SHANK2: variants seen among roughly 807,000 people sequenced by gnomAD.
SHANK2 encodes SH3 and multiple ankyrin repeat domains protein 2.
In SHANK2, 43 loss-of-function variants were observed where a neutral mutation model predicts 133.7. The ratio of observed to expected loss-of-function variants is 0.32; its 90% CI spans 0.25 to 0.41. The LOEUF (loss-of-function observed/expected upper bound fraction) is 0.41. Among genes scored for constraint, SHANK2 ranks in the 10% least tolerant of loss-of-function variants. The pLI, the probability that SHANK2 is intolerant of heterozygous loss-of-function variation, is 1.00. For missense variants in SHANK2, 1,994 were observed against 2,235.8 expected (o/e 0.89, Z 2.18); for synonymous variants, 1,017 against 952.8 (o/e 1.07, Z -1.24).
At chr11:71,067,120 C>T (rs991949659) in intron 9 of SHANK2, among the ~76,000 whole-genome samples, 32 of 151,872 alleles carry the variant, frequency 2.1e-4, no homozygotes, top group African/African-American at 7.3e-4. Context: ...GTGTGGACAC[C>T]GTCGCCATTC....
In SHANK2 at chr11:71,126,216, CAAA is replaced by C. The variant is rs1170621448; in HGVS notation, c.208-7187_208-7185del. 5.9e-3 allele frequency among the ~76,000 whole-genome samples: 381 copies of C among 64,386 alleles called. 2 individuals are homozygous for C. The highest frequency in any genetic ancestry group is 0.021 in the African/African-American group (351 of 16,604). The allele number at this position is 64,386 out of a possible 152,430, so 42.2% of individuals were successfully genotyped here. A position where few individuals can be genotyped will look rare whatever the true frequency, so the allele number is the denominator to read the frequency against. On this transcript the variant is annotated intron_variant, in intron 3 of 25. Coordinates refer to ENST00000601538, the MANE Select transcript of SHANK2 (RefSeq NM_012309.5). ...CTGGTGACAGAGTGAGACTCCGTCT[CAAA>C]AAAAAAAAAAAAAAAAAAAAAGAAT...
rs980640340 is a variant in SHANK2, at chr11:70,900,301, C to A, written c.1108-3734G>T. On this transcript the variant is annotated intron_variant, in intron 10 of 25. Coordinates refer to ENST00000601538, the MANE Select transcript of SHANK2 (RefSeq NM_012309.5). ...CCTGGGAGGTGGAGACTGCAGTGAGCCAAGATCGTGCCACTGCACTCCAGC... is the reference window on the plus strand; with the variant it reads ...CCTGGGAGGTGGAGACTGCAGTGAGACAAGATCGTGCCACTGCACTCCAGC... Among the ~76,000 whole-genome samples, 6 of 152,028 alleles carry A rather than the reference C, an allele frequency of 3.9e-5. No individual in the cohort carries two copies. In the South Asian group the frequency reaches 1.3e-3, roughly 32 times the overall value.
intron 10 of SHANK2, among the ~76,000 whole-genome samples, chr11:70,950,411 G>A (rs1186689447): frequency 1.3e-5 from 2 of 151,668 alleles, no homozygotes; most frequent in African/African-American, 2.4e-5. Context: ...GGCTGGTCTC[G>A]AACTCCTGAC....
chr11:70,541,214 C>T (rs1368972532), intron 17 of SHANK2, among the ~76,000 whole-genome samples: 3 of 152,198 alleles, frequency 2.0e-5, no homozygotes, highest in African/African-American at 4.8e-5. Context: ...CGGGATACAC[C>T]ACATTTGCCT....
intron 14 of SHANK2, among the ~76,000 whole-genome samples, chr11:70,789,630 G>A (rs60029605): frequency 6.6e-5 from 10 of 152,284 alleles, no homozygotes; most frequent in East Asian, 1.9e-4. Context: ...TGGTGCATAC[G>A]GCACAGGACA....
chr11:70,624,959 A>G (rs1398606149), intron 17 of SHANK2, among the ~76,000 whole-genome samples: 1 of 152,216 alleles, frequency 6.6e-6, no homozygotes, highest in Non-Finnish European at 1.5e-5. Flanking sequence ...TTGAGAGAAC[A>G]GCCCCCACAA....
chr11:71,244,393 G>C (rs1460462910), intron 1 of SHANK2, among the ~76,000 whole-genome samples: 1 of 152,250 alleles, frequency 6.6e-6, no homozygotes, highest in African/African-American at 2.4e-5. Flanking sequence ...ACATGGCACA[G>C]CCAGCTTTCA....
intron 14 of SHANK2, among the ~76,000 whole-genome samples, chr11:70,780,233 G>A (rs1299536455): frequency 5.3e-5 from 8 of 152,234 alleles, no homozygotes; most frequent in Non-Finnish European, 1.2e-4. Flanking sequence ...AGGGAGCCCT[G>A]GGGTTTTGTT....
In SHANK2 at chr11:70,472,614, CT is replaced by C; in HGVS notation, c.*254del. The C allele has an allele frequency of 1.8e-6, 1 of 543,698 alleles. No individual in the cohort carries two copies. The highest frequency in any genetic ancestry group is 3.3e-6 in the Non-Finnish European group (1 of 301,222). The allele number at this position is 543,698 out of a possible 1,614,324, so 33.7% of individuals were successfully genotyped here. ...GCATGCTGGGCGGCAGGCTGAGAAT[CT>C]TTTTCCATGTTAGAAAAACTCCCTC... On this transcript the variant is annotated 3_prime_UTR_variant, in exon 26 of 26. Transcript: ENST00000601538. The surrounding 1 kb of genome is among the most constrained non-coding windows in gnomAD (Gnocchi z 4.4).
chr11:70,496,055 C>T lies in SHANK2; in HGVS notation c.2309-3590G>A, dbSNP rs552523597. On this transcript the variant is annotated intron_variant, in intron 21 of 25. Transcript: ENST00000601538. ...AATAGCGGAGGTGAGGGAAAGTCATCGGCGTTGAACATTGACAGGTGTCAG... is the reference window on the plus strand; with the variant it reads ...AATAGCGGAGGTGAGGGAAAGTCATTGGCGTTGAACATTGACAGGTGTCAG... Among the ~76,000 whole-genome samples, 6 of 152,240 alleles carry T rather than the reference C, an allele frequency of 3.9e-5. No homozygotes were observed. The South Asian group carries it at 1.0e-3, about 26-fold the overall frequency.
At chr11:70,499,200 C>T (rs993422706) in intron 21 of SHANK2, among the ~76,000 whole-genome samples, 2 of 152,270 alleles carry the variant, frequency 1.3e-5, no homozygotes, top group African/African-American at 4.8e-5. Context: ...CTGTCAGCAA[C>T]GCTCGGTGTC....
At chr11:70,608,061 G>GC (rs1322175795) in intron 17 of SHANK2, among the ~76,000 whole-genome samples, 1 of 152,198 alleles carries the variant, frequency 6.6e-6, no homozygotes, top group African/African-American at 2.4e-5. Context: ...CGCCATGTCC[G>GC]ATTCCTGCTG....
intron 17 of SHANK2, among the ~76,000 whole-genome samples, chr11:70,617,221 TTG>T (rs145833674): frequency 4.6e-5 from 7 of 151,564 alleles, no homozygotes; most frequent in African/African-American, 9.7e-5. Flanking sequence ...TCTGAGTGTG[TTG>T]TGTGTGTGTG....
intron 14 of SHANK2, among the ~76,000 whole-genome samples, chr11:70,738,934 G>A (rs943879978): frequency 2.0e-5 from 3 of 152,226 alleles, no homozygotes; most frequent in African/African-American, 7.2e-5. Context: ...GAAAGACAGC[G>A]GGGTCACTGG....
chr11:70,737,592 T>C (rs1173487814), intron 14 of SHANK2, among the ~76,000 whole-genome samples: 1 of 152,156 alleles, frequency 6.6e-6, no homozygotes, highest in Non-Finnish European at 1.5e-5. Flanking sequence ...CCCATTTCTC[T>C]CCAGGAGACT....
At chr11:70,880,786 G>A (rs1949647702) in intron 11 of SHANK2, among the ~76,000 whole-genome samples, 1 of 152,216 alleles carries the variant, frequency 6.6e-6, no homozygotes, top group Non-Finnish European at 1.5e-5. Context: ...AGGACTGAAG[G>A]GGCTAGGGTC....
At chr11:71,105,055 T>A (rs1555097496) in intron 6 of SHANK2, among the ~76,000 whole-genome samples, 1 of 152,180 alleles carries the variant, frequency 6.6e-6, no homozygotes. Context: ...TGACCCACAA[T>A]TGCCAAAAGC....
In SHANK2 at chr11:71,118,915, T is replaced by C; in HGVS notation, c.325A>G (p.Asn109Asp). The change falls in exon 4 of 26, where the codon AAT (asparagine) becomes GAT (aspartate). Residue 109 changes from asparagine to aspartate, a missense_variant. By Grantham distance (23) the Asn-to-Asp change is conservative. Transcript: ENST00000601538. ...TCCAGGAACTTGCCGTCACGCCCATTGCTGGCCGGCTGGAACAGGCCGTAG... is the reference window on the plus strand; with the variant it reads ...TCCAGGAACTTGCCGTCACGCCCATCGCTGGCCGGCTGGAACAGGCCGTAG... ...LNYGLFQPAS[N>D]GRDGKFLDEE... 7.1e-6 allele frequency: 11 copies of C among 1,551,728 alleles called. No homozygotes were observed. The highest frequency in any genetic ancestry group is 9.6e-6 in the Non-Finnish European group (11 of 1,146,998).
Position 70,498,088 on chromosome 11 carries a change from C to T in SHANK2, c.2308+2482G>A, listed in dbSNP as rs1270794790. Among the ~76,000 whole-genome samples, 3 of 152,252 alleles carry T rather than the reference C, an allele frequency of 2.0e-5. No individual in the cohort carries two copies. In the East Asian group the frequency reaches 5.8e-4, roughly 29 times the overall value. ...GCTTTCCTGGGACCTGATTCATGGTCTGCTTCACATCCTCTGGCATGGTCC... is the reference window on the plus strand; with the variant it reads ...GCTTTCCTGGGACCTGATTCATGGTTTGCTTCACATCCTCTGGCATGGTCC... On this transcript the variant is annotated intron_variant, in intron 21 of 25. Transcript: ENST00000601538.
Sources: gnomAD v4.1 joint callset for allele counts (sites outside exome capture counted in the v4.1 genomes callset) on GRCh38, gnomAD v4.1.1 for gene constraint, Gnocchi (gnomAD v3.1) non-coding constraint, MANE v1.5 for transcripts, NCBI Gene and HGNC (gene_info 2026-07-23, HGNC 2026-07-21) for gene names.